Variants in ADSS2 observed in about 807,000 individuals in gnomAD.
ADSS2 encodes the protein adenylosuccinate synthase 2.
In ADSS2, 30 loss-of-function variants were observed where a neutral mutation model predicts 60.0. The ratio of observed to expected loss-of-function variants is 0.50; its 90% CI spans 0.37 to 0.68. The LOEUF is 0.68. ADSS2 is among the 30% of genes least tolerant of loss of function. ADSS2 has a pLI of 0.00. For missense variants in ADSS2, 373 were observed against 554.8 expected (o/e 0.67, Z 3.29); for synonymous variants, 187 against 193.1 (o/e 0.97, Z 0.26).
At chr1:244,437,180 T>C (rs1379728837) in intron 2 of ADSS2, among the ~76,000 whole-genome samples, 2 of 152,202 alleles carry the variant, frequency 1.3e-5, no homozygotes, top group African/African-American at 2.4e-5. Flanking sequence ...GCTAAATCAG[T>C]ATCTTTCAAG....
chr1:244,433,120 C>T (rs1156764627), intron 3 of ADSS2, among the ~76,000 whole-genome samples: 13 of 152,012 alleles, frequency 8.6e-5, no homozygotes, highest in Admixed American at 8.5e-4. Flanking sequence ...CATCTAATCC[C>T]AGCTACTCGG....
Position 244,417,703 on chromosome 1 carries a change from G to A in ADSS2, c.995C>T (p.Thr332Ile). 1 of 1,613,116 alleles carries A rather than the reference G, an allele frequency of 6.2e-7. No homozygotes were observed. The highest frequency in any genetic ancestry group is 8.5e-7 in the Non-Finnish European group (1 of 1,179,570). ...QTRGREFGVT[T>I]GRKRRCGWLD... Reference sequence around the variant, plus strand: ...CCAGCCACATCTTCTTTTCCTTCCAGTAGTTACACCAAACTCTCTACCCCT... The same window carrying A: ...CCAGCCACATCTTCTTTTCCTTCCAATAGTTACACCAAACTCTCTACCCCT... Residue 332 changes from threonine (T) to isoleucine (I), a missense_variant, in exon 10 of 13, where the codon ACT (threonine) becomes ATT (isoleucine). Transcript: ENST00000366535.
chr1:244,415,908 G>T, intron 11 of ADSS2, 73 bp downstream of exon 11: 2 of 1,101,238 alleles, frequency 1.8e-6, no homozygotes, highest in South Asian at 1.4e-5. Context: ...CAAATTATAT[G>T]GAAGAGCTTT....
chr1:244,418,690 TA>T, intron 9 of ADSS2, 69 bp downstream of exon 9: 1 of 1,421,292 alleles, frequency 7.0e-7, no homozygotes, highest in Non-Finnish European at 9.4e-7. Context: ...CAGGAGACAA[TA>T]ATTCATTAAG....
Position 244,422,904 on chromosome 1 carries a change from T to C in ADSS2, c.594A>G (p.Leu198=). The C allele has an allele frequency of 6.3e-7, 1 of 1,584,352 alleles. No individual in the cohort carries two copies. ...FDGFSERFKV[L]ANQYKSIYPT... ...GGTATATAGATTTGTATTGGTTAGC[T>C]AGAACTTTAAACCTGAGAAACACAG... is the stretch of plus-strand genomic sequence containing the variant. Residue 198 remains leucine, a synonymous_variant, in exon 7 of 13, where the codon CTA becomes CTG. Coordinates refer to ENST00000366535, the MANE Select transcript of ADSS2 (RefSeq NM_001126.5).
At chr1:244,448,894 A>AT (rs1389605216) in intron 1 of ADSS2, among the ~76,000 whole-genome samples, 1 of 152,082 alleles carries the variant, frequency 6.6e-6, no homozygotes, top group African/African-American at 2.4e-5. Flanking sequence ...CCTTTTTCAG[A>AT]TTTTTGACTC....
At chr1:244,435,513 C>T (rs7539755) in intron 3 of ADSS2, among the ~76,000 whole-genome samples, 57,144 of 148,606 alleles carry the variant, frequency 0.38, 11,273 homozygotes, top group Admixed American at 0.43. Context: ...AGTTTGTTTC[C>T]TCTTCCTCCT....
chr1:244,431,707 A>G (rs1351235811), intron 4 of ADSS2, among the ~76,000 whole-genome samples: 1 of 152,256 alleles, frequency 6.6e-6, no homozygotes, highest in African/African-American at 2.4e-5. Context: ...TGTAATGAAG[A>G]GGCCAGTTTC....
At chr1:244,445,879 G>C (rs1269302965) in intron 1 of ADSS2, among the ~76,000 whole-genome samples, 1 of 152,122 alleles carries the variant, frequency 6.6e-6, no homozygotes, top group African/African-American at 2.4e-5. Flanking sequence ...AGTGTCAAGG[G>C]CTACCAATTT....
intron 6 of ADSS2, 36 bp downstream of exon 6, chr1:244,423,917 A>C (rs1298800049): frequency 1.3e-6 from 2 of 1,538,998 alleles, no homozygotes; most frequent in East Asian, 4.5e-5. Context: ...CAAAAAATGC[A>C]TTCATTCCTT....
intron 6 of ADSS2, 25 bp from the exon 7 acceptor site, chr1:244,422,941 C>T (rs746570731): frequency 1.4e-6 from 2 of 1,380,040 alleles, no homozygotes; most frequent in East Asian, 2.3e-5. Context: ...TAAATCAAGA[C>T]ATTACCACTC....
chr1:244,451,850 A>G lies in ADSS2; in HGVS notation c.-33T>C. On this transcript the variant is annotated 5_prime_UTR_variant, in exon 1 of 13. Coordinates refer to ENST00000366535, the MANE Select transcript of ADSS2 (RefSeq NM_001126.5). This position sits in a 1 kb window ranked among gnomAD's most constrained non-coding sequence, Gnocchi z 6.6. ...GTGACGCGAGGAGAGCCCGAAGGAG[A>G]GGCGGCCGGCGAGGAGTGAGCGAAC... 6.5e-7 allele frequency: 1 copy of G among 1,528,048 alleles called. No individual in the cohort carries two copies. Among genetic ancestry groups the G allele is most frequent in the African/African-American group, 1.4e-5 (1 of 72,634 alleles). The allele number at this position is 1,528,048 out of a possible 1,614,324, so 94.7% of individuals were successfully genotyped here.
intron 4 of ADSS2, among the ~76,000 whole-genome samples, chr1:244,425,333 GA>G (rs1381786548): frequency 1.3e-5 from 2 of 152,138 alleles, no homozygotes; most frequent in African/African-American, 4.8e-5. Flanking sequence ...ATCCATTTAA[GA>G]TGTACAATTT....
intron 1 of ADSS2, among the ~76,000 whole-genome samples, chr1:244,446,814 T>C (rs148483319): frequency 6.6e-6 from 1 of 152,264 alleles, no homozygotes; most frequent in East Asian, 1.9e-4. Context: ...TTGATAAAAA[T>C]TCACCTAATT....
intron 12 of ADSS2, among the ~76,000 whole-genome samples, chr1:244,410,519 T>C (rs1303569202): frequency 6.6e-6 from 1 of 152,210 alleles, no homozygotes; most frequent in African/African-American, 2.4e-5. Context: ...CTTACATTTT[T>C]TTCTAGTGAG....
chr1:244,444,383 C>T (rs1307744628), intron 1 of ADSS2, among the ~76,000 whole-genome samples: 1 of 148,280 alleles, frequency 6.7e-6, no homozygotes, highest in South Asian at 2.1e-4. Flanking sequence ...GGCGTAGTGG[C>T]GGGCGCCTGT....
chr1:244,426,226 T>C (rs955395098), intron 4 of ADSS2, among the ~76,000 whole-genome samples: 1 of 152,186 alleles, frequency 6.6e-6, no homozygotes, highest in Non-Finnish European at 1.5e-5. Context: ...CTCATTTCTT[T>C]TGAATAAAAA....
chr1:244,408,634 C>CT lies in ADSS2; in HGVS notation c.*951dup, dbSNP rs61084783. The CT allele has an allele frequency of 0.13, 19,758 of 148,040 alleles. 1,618 individuals carry two copies. The highest frequency in any genetic ancestry group is 0.21 in the African/African-American group (8,368 of 40,390). The allele number at this position is 148,040 out of a possible 1,614,324, so 9.2% of individuals were successfully genotyped here. On this transcript the variant is annotated 3_prime_UTR_variant, in exon 13 of 13. Coordinates refer to ENST00000366535, the MANE Select transcript of ADSS2 (RefSeq NM_001126.5). ...TTATGCCTAATTGTCAAAATAACAC[C>CT]TTTTTTTTTTCAAGAAAGGAGAAAT...
chr1:244,420,753 C>A (rs1664654634), intron 7 of ADSS2, among the ~76,000 whole-genome samples: 1 of 152,160 alleles, frequency 6.6e-6, no homozygotes, highest in Non-Finnish European at 1.5e-5. Context: ...GTCACCCAGG[C>A]TGAAGTACAG....
Sources: gnomAD v4.1 joint callset for allele counts (sites outside exome capture counted in the v4.1 genomes callset) on GRCh38, gnomAD v4.1.1 for gene constraint, Gnocchi (gnomAD v3.1) non-coding constraint, MANE v1.5 for transcripts, NCBI Gene and HGNC (gene_info 2026-07-23, HGNC 2026-07-21) for gene names.